Variants in TGFB2 observed in about 807,000 individuals in gnomAD.
TGFB2 encodes transforming growth factor beta-2 proprotein.
Under a neutral mutation model 42.7 loss-of-function variants are expected in TGFB2, and 13 were observed. The observed-to-expected ratio is 0.30, with a 90% CI of 0.20 to 0.48. TGFB2 has a LOEUF of 0.48. Among genes scored for constraint, TGFB2 ranks in the 20% least tolerant of loss-of-function variants. The pLI, the probability that TGFB2 is intolerant of heterozygous loss-of-function variation, is 0.99. For synonymous variants in TGFB2, 193 were observed against 193.6 expected (o/e 1.00, Z 0.03); for missense variants, 390 against 517.5 (o/e 0.75, Z 2.39).
At chr1:218,367,612 T>A (rs74143052) in intron 1 of TGFB2, among the ~76,000 whole-genome samples, 1 of 152,358 alleles carries the variant, frequency 6.6e-6, no homozygotes, top group African/African-American at 2.4e-5. Context: ...GTATGTGGTC[T>A]ACATCACTAA....
intron 1 of TGFB2, among the ~76,000 whole-genome samples, chr1:218,371,864 A>G (rs531081023): frequency 7.2e-4 from 110 of 152,068 alleles, no homozygotes; most frequent in Admixed American, 3.4e-3. Flanking sequence ...GTTCCCTAGA[A>G]CCCCATCTAT....
At chr1:218,347,161 C>A in intron 1 of TGFB2, 114 bp downstream of exon 1, 1 of 929,220 alleles carries the variant, frequency 1.1e-6, no homozygotes, top group Non-Finnish European at 1.6e-6. Flanking sequence ...TCGCTCTTTT[C>A]CCGTTCTCCT....
At chr1:218,416,372 C>T (rs1032976643) in intron 2 of TGFB2, among the ~76,000 whole-genome samples, 1 of 151,890 alleles carries the variant, frequency 6.6e-6, no homozygotes, top group Non-Finnish European at 1.5e-5. Context: ...TTCAAGGGAG[C>T]ATGCATGTTT....
Position 218,416,424 on chromosome 1 carries a change from C to A in TGFB2, c.510+11092C>A, listed in dbSNP as rs566530994. Among the ~76,000 whole-genome samples the A allele has an allele frequency of 6.6e-5, 10 of 152,080 alleles. No homozygotes were observed. The South Asian group carries it at 2.1e-3, about 32-fold the overall frequency. On this transcript the variant is annotated intron_variant, in intron 2 of 6. Transcript: ENST00000366930. Reference sequence around the variant, plus strand: ...CAGTACTCAGGATATTTTTTGGAACCCCGTTCTAGAACTGTGGCAGAGTCC... The same window carrying A: ...CAGTACTCAGGATATTTTTTGGAACACCGTTCTAGAACTGTGGCAGAGTCC...
intron 6 of TGFB2, 35 bp from the exon 7 acceptor site, chr1:218,441,169 C>T (rs557721006): frequency 1.9e-6 from 3 of 1,574,968 alleles, no homozygotes; most frequent in South Asian, 2.4e-5. Context: ...TTCCGTCTTT[C>T]CCTATGTTGT....
In TGFB2 at chr1:218,434,436, G is replaced by A. The variant is rs778265133; in HGVS notation, c.742G>A (p.Ala248Thr). Residue 248 changes from alanine to threonine, a missense_variant, in exon 4 of 7, where the codon GCA (alanine) becomes ACA (threonine). By Grantham distance (58) the Ala-to-Thr change is moderately conservative (BLOSUM62 0). Coordinates refer to ENST00000366930, the MANE Select transcript of TGFB2 (RefSeq NM_003238.6). ...CCCAAATAAAAGTGAAGAACTAGAA[G>A]CAAGATTTGCAGGTAACCAAAACTT... ...IIPNKSEELE[A>T]RFAGIDGTST... 3.7e-6 allele frequency: 6 copies of A among 1,611,826 alleles called. No homozygotes were observed. The highest frequency in any genetic ancestry group is 5.1e-6 in the Non-Finnish European group (6 of 1,178,326).
intron 1 of TGFB2, among the ~76,000 whole-genome samples, chr1:218,372,921 A>C (rs915042667): frequency 1.3e-5 from 2 of 152,186 alleles, no homozygotes; most frequent in Non-Finnish European, 2.9e-5. Context: ...TCACGCCTGT[A>C]ATCCCAGCAC....
At chr1:218,401,685 C>T (rs12078397) in intron 1 of TGFB2, among the ~76,000 whole-genome samples, 6,002 of 152,250 alleles carry the variant, frequency 0.039, 399 homozygotes, top group African/African-American at 0.14. Context: ...TTAGCGAGAA[C>T]TCCCATTCCA....
In TGFB2 at chr1:218,357,774, G is replaced by A. The variant is rs1434293996; in HGVS notation, c.346+10727G>A. On this transcript the variant is annotated intron_variant, in intron 1 of 6. Coordinates refer to ENST00000366930, the MANE Select transcript of TGFB2 (RefSeq NM_003238.6). ...TAGCATGTTCCACTAGCGTGTCCCC[G>A]TCCCTCAGGCCTTCCAAGCTATCTA... is the stretch of plus-strand genomic sequence containing the variant. Among the ~76,000 whole-genome samples, 8 of 152,250 alleles carry A rather than the reference G, an allele frequency of 5.3e-5. No individual in the cohort carries two copies. The South Asian group carries it at 6.2e-4, about 12-fold the overall frequency.
chr1:218,400,841 C>G (rs1045642451), intron 1 of TGFB2, among the ~76,000 whole-genome samples: 3 of 152,012 alleles, frequency 2.0e-5, no homozygotes, highest in Admixed American at 6.6e-5. Context: ...ACAGTGGCCA[C>G]TGGGCGGGCC....
At chr1:218,378,287 C>T (rs1319373447) in intron 1 of TGFB2, among the ~76,000 whole-genome samples, 3 of 152,190 alleles carry the variant, frequency 2.0e-5, no homozygotes, top group Non-Finnish European at 4.4e-5. Flanking sequence ...TGTGATTCTC[C>T]TGCCTCAGCC....
At chr1:218,361,583 C>T (rs1475445172) in intron 1 of TGFB2, among the ~76,000 whole-genome samples, 2 of 152,136 alleles carry the variant, frequency 1.3e-5, no homozygotes, top group Non-Finnish European at 2.9e-5. Context: ...TGCATAGGGC[C>T]ATAGTTTGAA....
rs2102638336 is a variant in TGFB2, at chr1:218,444,036, A to G, written c.*2674A>G. Reference sequence around the variant, plus strand: ...TCCTATCAGTACCATCATCGAGTCTAGAAAACACCTGTGATGCAATAAGAC... The same window carrying G: ...TCCTATCAGTACCATCATCGAGTCTGGAAAACACCTGTGATGCAATAAGAC... On this transcript the variant is annotated 3_prime_UTR_variant, in exon 7 of 7. Transcript: ENST00000366930. 6.6e-6 allele frequency: 1 copy of G among 152,232 alleles called. No homozygotes were observed. The highest frequency in any genetic ancestry group is 2.4e-5 in the African/African-American group (1 of 41,544). The allele number at this position is 152,232 out of a possible 1,614,324, so 9.4% of individuals were successfully genotyped here.
chr1:218,398,172 A>G (rs1292499567), intron 1 of TGFB2, among the ~76,000 whole-genome samples: 1 of 152,270 alleles, frequency 6.6e-6, no homozygotes, highest in Non-Finnish European at 1.5e-5. Flanking sequence ...TCAAACTTTG[A>G]TGAAATGGTG....
At chr1:218,368,022 C>A (rs756685775) in intron 1 of TGFB2, among the ~76,000 whole-genome samples, 1 of 152,098 alleles carries the variant, frequency 6.6e-6, no homozygotes, top group Non-Finnish European at 1.5e-5. Context: ...AGTATGGTCT[C>A]GATCTCTTGA....
chr1:218,367,595 A>T (rs1322487332), intron 1 of TGFB2, among the ~76,000 whole-genome samples: 8 of 152,214 alleles, frequency 5.3e-5, no homozygotes, highest in Non-Finnish European at 8.8e-5. Flanking sequence ...AGAAATACCC[A>T]GTTCTCGTAT....
chr1:218,418,072 G>A (rs1330645648), intron 2 of TGFB2, among the ~76,000 whole-genome samples: 1 of 152,234 alleles, frequency 6.6e-6, no homozygotes, highest in African/African-American at 2.4e-5. Flanking sequence ...ACCTAGTGGA[G>A]CTGTGAAAAG....
chr1:218,404,325 G>T (rs1658833860), intron 1 of TGFB2, among the ~76,000 whole-genome samples: 1 of 152,154 alleles, frequency 6.6e-6, no homozygotes, highest in Admixed American at 6.5e-5. Flanking sequence ...GTTGGCCAGG[G>T]CTGGTCTCAA....
At chr1:218,373,202 C>G (rs558635578) in intron 1 of TGFB2, among the ~76,000 whole-genome samples, 22 of 152,138 alleles carry the variant, frequency 1.4e-4, no homozygotes, top group African/African-American at 5.1e-4. Flanking sequence ...CCAGGAGATT[C>G]TAATGTGCAA....
Sources: allele counts gnomAD v4.1 joint callset (sites outside exome capture counted in the v4.1 genomes callset), GRCh38; gene constraint gnomAD v4.1.1; transcripts MANE v1.5; gene names NCBI Gene and HGNC (gene_info 2026-07-23, HGNC 2026-07-21).